Variants in SLC25A13 observed in about 807,000 individuals in gnomAD.
SLC25A13 encodes the protein solute carrier family 25 member 13.
Under a neutral mutation model 85.5 loss-of-function variants are expected in SLC25A13, and 70 were observed. The observed-to-expected ratio is 0.82, with a 90% CI of 0.68 to 1.00. The LOEUF is 1.00. SLC25A13 is among the 50% of genes least tolerant of loss of function. The pLI is 0.00. For missense variants in SLC25A13, 765 were observed against 819.8 expected (o/e 0.93, Z 0.82); for synonymous variants, 259 against 288.7 (o/e 0.90, Z 1.04).
At chr7:96,209,052 A>G (rs1795582347) in intron 4 of SLC25A13, 75 bp from the exon 5 acceptor site, 9 of 1,437,714 alleles carry the variant, frequency 6.3e-6, no homozygotes, top group Non-Finnish European at 6.8e-6. Context: ...TATTGAATGG[A>G]TATCGCTTTT....
chr7:96,154,418 TC>T (rs1266288302), intron 13 of SLC25A13, among the ~76,000 whole-genome samples: 1 of 151,182 alleles, frequency 6.6e-6, no homozygotes, highest in Admixed American at 6.6e-5. Context: ...GGCCTCAGTC[TC>T]CCAAGTAGCT....
chr7:96,320,226 C>T (rs2117045656), intron 1 of SLC25A13, among the ~76,000 whole-genome samples: 1 of 152,246 alleles, frequency 6.6e-6, no homozygotes, highest in Admixed American at 6.5e-5. Flanking sequence ...AGGCTGGTCT[C>T]GAACTCCTGG....
rs576739220 is a variant in SLC25A13, at chr7:96,146,637, T to C, written c.1371A>G (p.Gln457=). ...NPLEIVKIRL[Q]VAGEITTGPR... is the part of the protein sequence containing the mutation. ...GACCAGTGGTGATTTCTCCTGCCAC[T>C]TGCAAACGGATCTTGACGATTTCTA... Residue 457 remains glutamine, a synonymous_variant, in exon 14 of 18, where the codon CAA becomes CAG. Transcript: ENST00000265631. The C allele has an allele frequency of 6.2e-7, 1 of 1,614,032 alleles. No homozygotes were observed. Among genetic ancestry groups the C allele is most frequent in the Non-Finnish European group, 8.5e-7 (1 of 1,180,000 alleles).
intron 1 of SLC25A13, among the ~76,000 whole-genome samples, chr7:96,298,098 G>C (rs1217216988): frequency 1.3e-5 from 2 of 152,144 alleles, no homozygotes; most frequent in African/African-American, 4.8e-5. Flanking sequence ...GCCACCCCAT[G>C]ATGAAGCCAA....
Position 96,272,975 on chromosome 7 carries a change from A to C in SLC25A13, c.212+4221T>G, listed in dbSNP as rs1179773158. ...TGTGATCTTGACATATCATCCCACA[A>C]ATTATCTACTCATATAACAACAAAA... On this transcript the variant is annotated intron_variant, in intron 3 of 17. Transcript: ENST00000265631. 2.6e-5 allele frequency among the ~76,000 whole-genome samples: 4 copies of C among 152,196 alleles called. No individual in the cohort carries two copies. The East Asian group carries it at 7.7e-4, about 29-fold the overall frequency.
intron 3 of SLC25A13, among the ~76,000 whole-genome samples, chr7:96,263,287 CT>C (rs1296851241): frequency 1.3e-5 from 2 of 152,158 alleles, no homozygotes; most frequent in African/African-American, 4.8e-5. Context: ...AGGCCCTGGA[CT>C]TTGCCTATTC....
At chr7:96,254,318 C>A (rs1797543388) in intron 3 of SLC25A13, among the ~76,000 whole-genome samples, 2 of 152,252 alleles carry the variant, frequency 1.3e-5, no homozygotes, top group South Asian at 4.1e-4. Context: ...AGTGTTAGAG[C>A]TGGAACATGG....
Position 96,131,734 on chromosome 7 carries a change from G to A in SLC25A13, c.1591+9C>T, listed in dbSNP as rs1183597028. The A allele has an allele frequency of 6.2e-6, 10 of 1,613,856 alleles. No individual in the cohort carries two copies. The East Asian group carries it at 6.7e-5, about 11-fold the overall frequency. On this transcript the variant is annotated intron_variant, in intron 15 of 17. Coordinates refer to ENST00000265631, the MANE Select transcript of SLC25A13 (RefSeq NM_014251.3). Reference sequence around the variant, plus strand: ...AGGGAAGTAAGAGAACTCCATGGGGGACACTCACCAGCTATGGCACCAGCT... The same window carrying A: ...AGGGAAGTAAGAGAACTCCATGGGGAACACTCACCAGCTATGGCACCAGCT...
At chr7:96,168,069 C>CAGCCTG (rs1793832785) in intron 13 of SLC25A13, among the ~76,000 whole-genome samples, 1 of 120,556 alleles carries the variant, frequency 8.3e-6, no homozygotes, top group South Asian at 3.0e-4. Context: ...CACTGCACTC[C>CAGCCTG]AGCCTGGTGA....
chr7:96,163,318 A>G (rs1453191497), intron 13 of SLC25A13, among the ~76,000 whole-genome samples: 1 of 152,154 alleles, frequency 6.6e-6, no homozygotes, highest in Non-Finnish European at 1.5e-5. Flanking sequence ...TACACAGAGA[A>G]GTCAAGCAGG....
chr7:96,171,793 T>C (rs1444869445), intron 11 of SLC25A13, among the ~76,000 whole-genome samples: 1 of 152,164 alleles, frequency 6.6e-6, no homozygotes, highest in Admixed American at 6.5e-5. Context: ...ATCTCATTAT[T>C]CCCCCAAAGT....
intron 11 of SLC25A13, among the ~76,000 whole-genome samples, chr7:96,179,585 T>C (rs965846737): frequency 1.2e-4 from 19 of 152,208 alleles, no homozygotes; most frequent in African/African-American, 4.6e-4. Flanking sequence ...AAATGATCTG[T>C]TGAAATCTTC....
rs764922613 is a variant in SLC25A13, at chr7:96,234,868, G to T, written c.262C>A (p.Pro88Thr). 11 of 1,613,672 alleles carry T rather than the reference G, an allele frequency of 6.8e-6. No homozygotes were observed. The highest frequency in any genetic ancestry group is 1.6e-4 in the Middle Eastern group (1 of 6,080). Residue 88 changes from proline (P) to threonine (T), a missense_variant, in exon 4 of 18, where the codon CCT becomes ACT. Transcript: ENST00000265631. ...AAGGCTACCATAAACAAAGCATCAG[G>T]GGCACACAGGACAGATTCAAAGGCA... Reference protein sequence around the residue: ...FVAFESVLCAPDALFMVAFQL... With the variant: ...FVAFESVLCATDALFMVAFQL...
intron 15 of SLC25A13, among the ~76,000 whole-genome samples, chr7:96,130,899 G>C (rs1374255781): frequency 1.3e-5 from 2 of 152,196 alleles, no homozygotes; most frequent in African/African-American, 4.8e-5. Flanking sequence ...GCTGCAGCCA[G>C]GGTAGGTGGG....
At chr7:96,201,296 G>C (rs1294958002) in intron 5 of SLC25A13, among the ~76,000 whole-genome samples, 1 of 151,998 alleles carries the variant, frequency 6.6e-6, no homozygotes, top group Non-Finnish European at 1.5e-5. Context: ...GATTGCTTGA[G>C]GTCAGGAGTT....
At chr7:96,166,674 T>A (rs528772888) in intron 13 of SLC25A13, among the ~76,000 whole-genome samples, 1 of 152,284 alleles carries the variant, frequency 6.6e-6, no homozygotes, top group African/African-American at 2.4e-5. Context: ...TTACATACAT[T>A]ATTTTTTATT....
intron 3 of SLC25A13, among the ~76,000 whole-genome samples, chr7:96,260,536 T>TA (rs2116893372): frequency 6.6e-6 from 1 of 152,252 alleles, no homozygotes; most frequent in African/African-American, 2.4e-5. Flanking sequence ...AATAAGTAAT[T>TA]ACATTGACTC....
intron 2 of SLC25A13, among the ~76,000 whole-genome samples, chr7:96,296,026 T>C (rs1012222925): frequency 1.3e-5 from 2 of 151,946 alleles, no homozygotes; most frequent in African/African-American, 4.8e-5. Flanking sequence ...CTATTAATCA[T>C]TCACTGCCCA....
intron 3 of SLC25A13, among the ~76,000 whole-genome samples, chr7:96,261,377 C>T (rs1420919743): frequency 6.6e-6 from 1 of 152,100 alleles, no homozygotes; most frequent in African/African-American, 2.4e-5. Flanking sequence ...TGAAATTAAT[C>T]TATATTTTTC....
Sources: allele counts gnomAD v4.1 joint callset (sites outside exome capture counted in the v4.1 genomes callset), GRCh38; gene constraint gnomAD v4.1.1; transcripts MANE v1.5; gene names NCBI Gene and HGNC (gene_info 2026-07-23, HGNC 2026-07-21).